The following HIKESHI variants were observed in gnomAD, a reference collection of about 807,000 sequenced individuals.
HIKESHI encodes the protein protein Hikeshi.
A neutral mutation model predicts 25.7 loss-of-function variants in HIKESHI; 13 were observed. The ratio of observed to expected loss-of-function variants is 0.51; its 90% CI spans 0.33 to 0.80. The LOEUF (loss-of-function observed/expected upper bound fraction) is 0.80. HIKESHI is among the 30% of genes least tolerant of loss of function. The pLI is 0.02. For missense variants in HIKESHI, 174 were observed against 229.5 expected (o/e 0.76, Z 1.56); for synonymous variants, 76 against 78.7 (o/e 0.97, Z 0.18).
chr11:86,344,754 C>A (rs780290349), intron 4 of HIKESHI, 33 bp downstream of exon 4: 3 of 1,276,160 alleles, frequency 2.4e-6, no homozygotes, highest in Non-Finnish European at 3.4e-6. Flanking sequence ...AATATTAAGG[C>A]TTTTTATAAC....
At chr11:86,340,717 C>T (rs1947702050) in intron 3 of HIKESHI, among the ~76,000 whole-genome samples, 1 of 152,186 alleles carries the variant, frequency 6.6e-6, no homozygotes, top group Non-Finnish European at 1.5e-5. Flanking sequence ...GTGATCTCGG[C>T]TCCTGCAACC....
chr11:86,304,945 A>G (rs1016849194), intron 1 of HIKESHI, among the ~76,000 whole-genome samples: 9 of 152,190 alleles, frequency 5.9e-5, no homozygotes, highest in Non-Finnish European at 1.3e-4. Context: ...GGATTTGTGA[A>G]TAAGGAGGAT....
intron 2 of HIKESHI, among the ~76,000 whole-genome samples, chr11:86,322,109 C>T (rs187000961): frequency 9.0e-4 from 137 of 152,192 alleles, no homozygotes; most frequent in Middle Eastern, 3.4e-3. Context: ...GCCTTAGCCT[C>T]CTGAGTAGCT....
At chr11:86,333,160 A>G (rs980577674) in intron 2 of HIKESHI, among the ~76,000 whole-genome samples, 1 of 152,238 alleles carries the variant, frequency 6.6e-6, no homozygotes, top group Non-Finnish European at 1.5e-5. Context: ...ATTACCTACT[A>G]TGAATCTTCA....
chr11:86,315,695 G>A (rs930563739), intron 2 of HIKESHI, among the ~76,000 whole-genome samples: 3 of 59,592 alleles, frequency 5.0e-5, no homozygotes, highest in African/African-American at 7.5e-5. Context: ...GACCATTAGC[G>A]AAAGAACTAC....
At chr11:86,311,324 C>A (rs187576021) in intron 2 of HIKESHI, among the ~76,000 whole-genome samples, 1 of 152,178 alleles carries the variant, frequency 6.6e-6, no homozygotes, top group Non-Finnish European at 1.5e-5. Flanking sequence ...TCCATTTCTT[C>A]TAGATTTTCT....
At chr11:86,316,771 C>CTTTTTTTTTTTTTTTTTTTTTTT (rs71040229) in intron 2 of HIKESHI, among the ~76,000 whole-genome samples, 4 of 68,790 alleles carry the variant, frequency 5.8e-5, no homozygotes, top group Non-Finnish European at 8.0e-5. Flanking sequence ...CTGAAACATT[C>CTTTTTTTTTTTTTTTTTTTTTTT]TTTTTTTTTT....
chr11:86,326,808 G>A (rs960812133), intron 2 of HIKESHI: 1 of 269,730 alleles, frequency 3.7e-6, no homozygotes, highest in South Asian at 3.7e-5. Flanking sequence ...GGCATGATAG[G>A]TTCCTGTTTG....
intron 2 of HIKESHI, among the ~76,000 whole-genome samples, chr11:86,335,163 A>G (rs985517457): frequency 1.3e-5 from 2 of 152,168 alleles, no homozygotes; most frequent in African/African-American, 4.8e-5. Context: ...TTCAGAAAGA[A>G]TTGTAATTAA....
intron 2 of HIKESHI, among the ~76,000 whole-genome samples, chr11:86,333,791 AAT>A (rs1947479444): frequency 6.6e-6 from 1 of 152,226 alleles, no homozygotes; most frequent in African/African-American, 2.4e-5. Flanking sequence ...TGAAAAAAAA[AAT>A]AATTGGCTTG....
chr11:86,329,505 C>T (rs1947366443), intron 2 of HIKESHI, among the ~76,000 whole-genome samples: 1 of 151,524 alleles, frequency 6.6e-6, no homozygotes. Flanking sequence ...TTAGGATTTT[C>T]TGTACAGATG....
chr11:86,323,255 A>T lies in HIKESHI; in HGVS notation c.269-14124A>T, dbSNP rs532762015. ...TAAAAAAAAAAAGTAAAATATAAAT[A>T]TATGAGTATTTATGTATTGATTTTA... is the stretch of plus-strand genomic sequence containing the variant. On this transcript the variant is annotated intron_variant, in intron 2 of 4. Coordinates refer to ENST00000278483, the MANE Select transcript of HIKESHI (RefSeq NM_016401.4). Among the ~76,000 whole-genome samples, 16 of 152,224 alleles carry T rather than the reference A, an allele frequency of 1.1e-4. 1 individual carries two copies. In the South Asian group the frequency reaches 2.3e-3, roughly 22 times the overall value.
In HIKESHI at chr11:86,306,228, A is replaced by T; in HGVS notation, c.31-17A>T. ...CTCATAGAACCATTGAACTGAGACA[A>T]GTTTCTTATTTTCTAGGTGCAAACA... is the stretch of plus-strand genomic sequence containing the variant. On this transcript the variant is annotated splice_polypyrimidine_tract_variant and intron_variant, in intron 1 of 4. Coordinates refer to ENST00000278483, the MANE Select transcript of HIKESHI (RefSeq NM_016401.4). 2 of 1,563,556 alleles carry T rather than the reference A, an allele frequency of 1.3e-6. No individual in the cohort carries two copies. The highest frequency in any genetic ancestry group is 1.8e-6 in the Non-Finnish European group (2 of 1,136,540).
intron 3 of HIKESHI, among the ~76,000 whole-genome samples, chr11:86,338,883 C>A (rs1458786872): frequency 1.3e-5 from 2 of 152,042 alleles, no homozygotes; most frequent in African/African-American, 2.4e-5. Flanking sequence ...GGTAAGAAGA[C>A]TTTTTTACTG....
intron 2 of HIKESHI, among the ~76,000 whole-genome samples, chr11:86,323,107 G>T (rs1318140896): frequency 6.6e-6 from 1 of 151,904 alleles, no homozygotes; most frequent in East Asian, 1.9e-4. Flanking sequence ...TCATGCCTCT[G>T]GTCCCAGCTA....
intron 2 of HIKESHI, among the ~76,000 whole-genome samples, chr11:86,324,737 T>A (rs1370559955): frequency 6.6e-6 from 1 of 152,186 alleles, no homozygotes; most frequent in Non-Finnish European, 1.5e-5. Context: ...GGGAAAACCT[T>A]GCTAACTAGC....
At chr11:86,320,751 C>T (rs1947125528) in intron 2 of HIKESHI, among the ~76,000 whole-genome samples, 1 of 152,160 alleles carries the variant, frequency 6.6e-6, no homozygotes, top group Non-Finnish European at 1.5e-5. Flanking sequence ...TTTCCACCAC[C>T]TCTTCTCCAC....
chr11:86,329,574 C>CTCTTTTTTTTTTTTT (rs1565736298), intron 2 of HIKESHI, among the ~76,000 whole-genome samples: 1 of 143,878 alleles, frequency 7.0e-6, no homozygotes. Flanking sequence ...CCTGTGATTT[C>CTCTTTTTTTTTTTTT]TTTTTTTTTT....
intron 2 of HIKESHI, 83 bp downstream of exon 2, chr11:86,306,565 C>G: frequency 1.3e-6 from 1 of 779,326 alleles, no homozygotes; most frequent in Non-Finnish European, 2.0e-6. Flanking sequence ...ACTTTTCCCC[C>G]TTTAGATTGT....
Sources: gnomAD v4.1 joint callset for allele counts (sites outside exome capture counted in the v4.1 genomes callset) on GRCh38, gnomAD v4.1.1 for gene constraint, MANE v1.5 for transcripts, NCBI Gene and HGNC (gene_info 2026-07-23, HGNC 2026-07-21) for gene names.